Variants in ARHGAP6 observed in about 807,000 individuals in gnomAD.
The protein encoded by ARHGAP6 is rho GTPase-activating protein 6.
In ARHGAP6, 16 loss-of-function variants were observed where a neutral mutation model predicts 55.7. That is an observed-to-expected ratio of 0.29 (90% CI 0.19 to 0.44). The LOEUF (loss-of-function observed/expected upper bound fraction) is 0.44. Among genes scored for constraint, ARHGAP6 ranks in the 20% least tolerant of loss-of-function variants. ARHGAP6 has a pLI of 1.00. For synonymous variants in ARHGAP6, 382 were observed against 360.9 expected (o/e 1.06, Z -0.66); for missense variants, 698 against 808.9 (o/e 0.86, Z 1.66).
intron 1 of ARHGAP6, among the ~76,000 whole-genome samples, chrX:11,653,225 T>G (rs1278648634): frequency 2.7e-5 from 3 of 112,367 alleles, no homozygotes; most frequent in South Asian, 3.7e-4. Flanking sequence ...GAAGTTACCA[T>G]GTACTGGAAT....
Position 11,665,889 on chromosome X carries a change from A to G in ARHGAP6, c.-1061T>C, listed in dbSNP as rs1375801020. Among the ~76,000 whole-genome samples, 1 of 111,983 alleles carries G rather than the reference A, an allele frequency of 8.9e-6. No homozygotes were observed. The highest frequency in any genetic ancestry group is 1.9e-5 in the Non-Finnish European group (1 of 53,128). On this transcript the variant is annotated 5_prime_UTR_variant, in exon 1 of 13. Coordinates refer to ENST00000337414, the MANE Select transcript of ARHGAP6 (RefSeq NM_013427.3). ...CCTGCAAGCGGCGAGGAGAGAAGGCAGCTCGCCACTGATACCGGGTCTCCT... is the reference window on the plus strand; with the variant it reads ...CCTGCAAGCGGCGAGGAGAGAAGGCGGCTCGCCACTGATACCGGGTCTCCT...
At chrX:11,162,221 T>C (rs780095172) in intron 9 of ARHGAP6, among the ~76,000 whole-genome samples, 14 of 110,215 alleles carry the variant, frequency 1.3e-4, no homozygotes, top group Non-Finnish European at 2.5e-4. Flanking sequence ...TCTTCATTAA[T>C]TGATGCAATG....
At chrX:11,306,074 C>T (rs1720393266) in intron 1 of ARHGAP6, among the ~76,000 whole-genome samples, 1 of 111,581 alleles carries the variant, frequency 9.0e-6, no homozygotes, top group Non-Finnish European at 1.9e-5. Context: ...ACCCTCACCT[C>T]AATGCCACCT....
chrX:11,392,005 T>C (rs1202137101), intron 1 of ARHGAP6, among the ~76,000 whole-genome samples: 7 of 112,320 alleles, frequency 6.2e-5, no homozygotes. Context: ...CTGGGTGCTA[T>C]GTGGGCACAG....
intron 1 of ARHGAP6, among the ~76,000 whole-genome samples, chrX:11,590,777 AAAAG>A (rs2051798225): frequency 1.3e-4 from 2 of 15,828 alleles, no homozygotes; most frequent in Non-Finnish European, 1.9e-4. Flanking sequence ...CTCCATCTCG[AAAAG>A]AAAAGAAAAG....
chrX:11,284,916 A>G (rs187293509), intron 1 of ARHGAP6, among the ~76,000 whole-genome samples: 133 of 111,742 alleles, frequency 1.2e-3, no homozygotes, highest in African/African-American at 4.1e-3. Context: ...TATAAAATGT[A>G]CCCTGAAGGG....
At chrX:11,424,536 A>G (rs1217899672) in intron 1 of ARHGAP6, among the ~76,000 whole-genome samples, 1 of 111,675 alleles carries the variant, frequency 9.0e-6, no homozygotes, top group Non-Finnish European at 1.9e-5. Flanking sequence ...GACAGGTTCT[A>G]TGTTCTAAGC....
intron 1 of ARHGAP6, among the ~76,000 whole-genome samples, chrX:11,412,104 G>A (rs1402621874): frequency 8.9e-6 from 1 of 111,748 alleles, no homozygotes; most frequent in African/African-American, 3.3e-5. Context: ...CAGAATTTCA[G>A]TGTTTGTGAT....
intron 1 of ARHGAP6, among the ~76,000 whole-genome samples, chrX:11,417,679 G>C (rs749064732): frequency 3.6e-5 from 4 of 111,298 alleles, no homozygotes; most frequent in East Asian, 2.8e-4. Context: ...AAAATGAAAG[G>C]CTTTAAAAAG....
intron 1 of ARHGAP6, among the ~76,000 whole-genome samples, chrX:11,653,735 T>G (rs1239137698): frequency 8.9e-6 from 1 of 112,033 alleles, no homozygotes; most frequent in African/African-American, 3.2e-5. Context: ...GGCTTAATAA[T>G]TTGTTTAATG....
intron 1 of ARHGAP6, among the ~76,000 whole-genome samples, chrX:11,414,543 A>T (rs1040419001): frequency 9.2e-6 from 1 of 109,120 alleles, no homozygotes; most frequent in East Asian, 2.9e-4. Context: ...TCACGTACAG[A>T]GCAAACTGGA....
Position 11,143,569 on chromosome X carries a change from A to G in ARHGAP6, c.2176+411T>C, listed in dbSNP as rs2045648256. On this transcript the variant is annotated intron_variant, in intron 11 of 12. Transcript: ENST00000337414. ...GTTCTGGAAGGTTGTCTTCATACAT[A>G]TAGTAGGTTCAGCTTGTTTTCTTTA... 11 of 895,818 alleles carry G rather than the reference A, an allele frequency of 1.2e-5. No individual in the cohort carries two copies. The South Asian group carries it at 5.9e-4, about 48-fold the overall frequency. 73.8% of individuals were successfully genotyped at this position (895,818 alleles called of 1,213,427 possible). A position where few individuals can be genotyped will look rare whatever the true frequency, so the allele number is the denominator to read the frequency against.
chrX:11,455,405 G>A (rs1174602501), intron 1 of ARHGAP6, among the ~76,000 whole-genome samples: 1 of 112,197 alleles, frequency 8.9e-6, no homozygotes, highest in Non-Finnish European at 1.9e-5. Context: ...TACCACTTAT[G>A]AGGCCACCAT....
chrX:11,445,361 G>A (rs1449737966), intron 1 of ARHGAP6, among the ~76,000 whole-genome samples: 1 of 111,842 alleles, frequency 8.9e-6, no homozygotes, highest in Non-Finnish European at 1.9e-5. Context: ...CATTTTCCAA[G>A]ACCACATGGG....
chrX:11,358,448 T>C (rs1160160238), intron 1 of ARHGAP6, among the ~76,000 whole-genome samples: 2 of 85,515 alleles, frequency 2.3e-5, no homozygotes, highest in African/African-American at 9.3e-5. Flanking sequence ...TTTCTTTCTT[T>C]CTTTCTTTCT....
chrX:11,249,187 T>C (rs1309244418), intron 2 of ARHGAP6, among the ~76,000 whole-genome samples: 1 of 111,543 alleles, frequency 9.0e-6, no homozygotes, highest in Non-Finnish European at 1.9e-5. Flanking sequence ...AACTAGACAT[T>C]GTATGTTCTC....
chrX:11,311,714 T>TC (rs111435240), intron 1 of ARHGAP6, among the ~76,000 whole-genome samples: 8,933 of 111,444 alleles, frequency 0.08, 550 homozygotes, highest in African/African-American at 0.21. Flanking sequence ...AAATGAACGT[T>TC]CCCCAAAGCG....
intron 1 of ARHGAP6, among the ~76,000 whole-genome samples, chrX:11,301,131 A>G (rs1289810427): frequency 1.8e-5 from 2 of 111,808 alleles, no homozygotes; most frequent in Non-Finnish European, 3.8e-5. Flanking sequence ...CACTGGCTTT[A>G]CACTTCACAC....
At chrX:11,527,186 T>G (rs912234140) in intron 1 of ARHGAP6, among the ~76,000 whole-genome samples, 6 of 111,368 alleles carry the variant, frequency 5.4e-5, no homozygotes, top group African/African-American at 2.0e-4. Flanking sequence ...AGTAGCTGTT[T>G]GAACCTAGAC....
Sources: gnomAD v4.1 joint callset for allele counts (sites outside exome capture counted in the v4.1 genomes callset) on GRCh38, gnomAD v4.1.1 for gene constraint, MANE v1.5 for transcripts, NCBI Gene and HGNC (gene_info 2026-07-23, HGNC 2026-07-21) for gene names.